Variants in UNC13C observed in about 807,000 individuals in gnomAD.
UNC13C encodes the protein protein unc-13 homolog C.
In UNC13C, 174 loss-of-function variants were observed where a neutral mutation model predicts 245.4. That is an observed-to-expected ratio of 0.71 (90% CI 0.63 to 0.80). The LOEUF (loss-of-function observed/expected upper bound fraction) is 0.80. Ranked by LOEUF, UNC13C falls within the 30% of genes least tolerant of loss-of-function variation. UNC13C has a pLI of 0.00. For synonymous variants in UNC13C, 992 were observed against 895.1 expected (o/e 1.11, Z -1.93); for missense variants, 2,829 against 2,602.9 (o/e 1.09, Z -1.89).
Position 54,170,069 on chromosome 15 carries a change from A to G in UNC13C, c.3071+26385A>G, listed in dbSNP as rs2033336733. Among the ~76,000 whole-genome samples the G allele has an allele frequency of 2.7e-5, 4 of 150,766 alleles. No homozygotes were observed. The South Asian group carries it at 8.3e-4, about 31-fold the overall frequency. The stretch of plus-strand genomic sequence containing the variant: ...GGTATATAAGAGAAAGAGAAATTTC[A>G]TAAATATTATTTAAACATTGAATGC... On this transcript the variant is annotated intron_variant, in intron 4 of 32. Transcript: ENST00000260323.
chr15:54,423,837 A>G (rs1209221603), intron 19 of UNC13C, among the ~76,000 whole-genome samples: 2 of 151,856 alleles, frequency 1.3e-5, no homozygotes, highest in Non-Finnish European at 2.9e-5. Flanking sequence ...TTTTTCAGCC[A>G]TGTACCATCT....
At chr15:53,926,083 G>T in the UNC13C span, among the ~76,000 whole-genome samples, 1 of 151,736 alleles carries the variant, frequency 6.6e-6, no homozygotes, top group Admixed American at 6.6e-5. Flanking sequence ...TACTATTCTT[G>T]TTGATTAAAA....
the UNC13C span, among the ~76,000 whole-genome samples, chr15:53,885,303 A>T: frequency 6.6e-6 from 1 of 152,220 alleles, no homozygotes; most frequent in Admixed American, 6.5e-5. Flanking sequence ...GGTGGGGCAT[A>T]AAAACCAGAA....
At chr15:54,504,295 C>A (rs1894367364) in intron 22 of UNC13C, among the ~76,000 whole-genome samples, 1 of 152,094 alleles carries the variant, frequency 6.6e-6, no homozygotes, top group African/African-American at 2.4e-5. Context: ...ATTCCTTGTT[C>A]TCTGGGAACA....
chr15:54,113,030 T>G (rs1453327141), intron 2 of UNC13C, among the ~76,000 whole-genome samples: 6 of 152,204 alleles, frequency 3.9e-5, no homozygotes, highest in Non-Finnish European at 7.3e-5. Context: ...TAAATGGATA[T>G]GCAGATGTAT....
At chr15:54,180,338 T>C (rs1356612135) in intron 4 of UNC13C, among the ~76,000 whole-genome samples, 2 of 152,098 alleles carry the variant, frequency 1.3e-5, no homozygotes, top group Non-Finnish European at 2.9e-5. Context: ...CATGATTTCA[T>C]TCTTTTTCAT....
At chr15:54,125,162 A>G (rs1229856686) in intron 2 of UNC13C, among the ~76,000 whole-genome samples, 1 of 152,104 alleles carries the variant, frequency 6.6e-6, no homozygotes, top group Non-Finnish European at 1.5e-5. Context: ...TCTTGTCCTT[A>G]AATATAAAAA....
At chr15:54,464,879 CTT>C (rs1002520443) in intron 19 of UNC13C, among the ~76,000 whole-genome samples, 10 of 143,096 alleles carry the variant, frequency 7.0e-5, no homozygotes, top group Admixed American at 7.0e-5. Context: ...TCATGGATTG[CTT>C]TTTTTTTTTT....
At chr15:54,396,940 G>A (rs28837800) in intron 18 of UNC13C, among the ~76,000 whole-genome samples, 5,592 of 150,490 alleles carry the variant, frequency 0.037, 339 homozygotes, top group African/African-American at 0.13. Context: ...AATAAATGTT[G>A]CAGTATATGC....
the UNC13C span, among the ~76,000 whole-genome samples, chr15:53,915,994 A>G: frequency 2.6e-5 from 4 of 152,322 alleles, no homozygotes; most frequent in Admixed American, 1.3e-4. Context: ...ATTTTTCCCT[A>G]ATTTTCTTTA....
Position 54,393,050 on chromosome 15 carries a change from T to C in UNC13C, c.4716T>C (p.Ser1572=). ...ATGTTGCGTGAACTTGTGAGCAGAG[T>C]AAGAAACAGGATATTCCTCGTGAAG... ...HELYSQLTDP[S]KKQDIPREDQ... Residue 1572 remains serine (S), a splice_region_variant and synonymous_variant, in exon 18 of 33, where the codon AGT becomes AGC. Transcript: ENST00000260323. The C allele has an allele frequency of 6.3e-7, 1 of 1,599,806 alleles. No homozygotes were observed. Among genetic ancestry groups the C allele is most frequent in the Admixed American group, 1.8e-5 (1 of 56,438 alleles).
chr15:54,303,811 A>C (rs980725383), intron 13 of UNC13C, among the ~76,000 whole-genome samples: 2 of 152,106 alleles, frequency 1.3e-5, no homozygotes, highest in African/African-American at 4.8e-5. Context: ...GGTTCCATCC[A>C]GAAAGGCGGG....
the UNC13C span, among the ~76,000 whole-genome samples, chr15:53,910,189 T>G: frequency 6.9e-6 from 1 of 145,398 alleles, no homozygotes; most frequent in Admixed American, 7.1e-5. Flanking sequence ...GCCTGAACTC[T>G]GCCAAACATA....
At chr15:54,213,266 G>T (rs968496316) in intron 4 of UNC13C, among the ~76,000 whole-genome samples, 2 of 151,832 alleles carry the variant, frequency 1.3e-5, no homozygotes, top group Non-Finnish European at 2.9e-5. Flanking sequence ...AAAATGAAAA[G>T]AATTCTTTCA....
intron 32 of UNC13C, among the ~76,000 whole-genome samples, chr15:54,626,589 G>A (rs781497014): frequency 2.0e-5 from 3 of 152,082 alleles, no homozygotes; most frequent in Non-Finnish European, 2.9e-5. Flanking sequence ...TGCCTCGACT[G>A]ATTAAGTGTA....
At chr15:54,113,738 A>T (rs545005833) in intron 2 of UNC13C, among the ~76,000 whole-genome samples, 1 of 152,240 alleles carries the variant, frequency 6.6e-6, no homozygotes, top group East Asian at 1.9e-4. Context: ...AGGCAGGAGA[A>T]TTGCTTGAAC....
At chr15:54,495,358 T>C (rs180898471) in intron 20 of UNC13C, among the ~76,000 whole-genome samples, 73 of 152,194 alleles carry the variant, frequency 4.8e-4, no homozygotes, top group Non-Finnish European at 7.8e-4. Context: ...GAGATGCTGA[T>C]AAGCTTAAAT....
intron 17 of UNC13C, among the ~76,000 whole-genome samples, chr15:54,351,916 T>C (rs2038991935): frequency 1.3e-5 from 2 of 152,036 alleles, no homozygotes; most frequent in Non-Finnish European, 2.9e-5. Flanking sequence ...TTGTCTCTAC[T>C]TCAGAGGTAG....
At chr15:53,896,723 G>C in the UNC13C span, among the ~76,000 whole-genome samples, 22 of 152,122 alleles carry the variant, frequency 1.4e-4, no homozygotes, top group Admixed American at 5.9e-4. Flanking sequence ...AGTGCCTGCT[G>C]TGGATTTTTA....
Sources: gnomAD v4.1 joint callset for allele counts (sites outside exome capture counted in the v4.1 genomes callset) on GRCh38, gnomAD v4.1.1 for gene constraint, MANE v1.5 for transcripts, NCBI Gene and HGNC (gene_info 2026-07-23, HGNC 2026-07-21) for gene names.